The following IFNGR1 variants were observed in gnomAD, a reference collection of about 807,000 sequenced individuals.
IFNGR1 encodes the protein interferon gamma receptor 1.
In IFNGR1, 23 loss-of-function variants were observed where a neutral mutation model predicts 35.4. The ratio of observed to expected loss-of-function variants is 0.65; its 90% CI spans 0.47 to 0.92. The LOEUF is 0.92. IFNGR1 is among the 40% of genes least tolerant of loss of function. The probability of loss-of-function intolerance (pLI) is 0.00; values close to 1 mark genes in which losing one functional copy is unlikely to be tolerated. For synonymous variants in IFNGR1, 199 were observed against 209.5 expected (o/e 0.95, Z 0.43); for missense variants, 533 against 583.4 (o/e 0.91, Z 0.89).
intron 5 of IFNGR1, among the ~76,000 whole-genome samples, chr6:137,203,257 T>C (rs1379887138): frequency 6.6e-6 from 1 of 152,256 alleles, no homozygotes; most frequent in Non-Finnish European, 1.5e-5. Context: ...ACTTATTATA[T>C]ATTTTTTCTT....
chr6:137,203,684 A>T lies in IFNGR1; in HGVS notation c.548T>A (p.Ile183Asn), dbSNP rs781589293. 6.2e-7 allele frequency: 1 copy of T among 1,611,936 alleles called. No individual in the cohort carries two copies. The highest frequency in any genetic ancestry group is 1.1e-5 in the South Asian group (1 of 90,840). Residue 183 changes from isoleucine to asparagine, a missense_variant and splice_region_variant, in exon 5 of 7, where the codon ATC becomes AAC. Transcript: ENST00000367739. ...NVYVRMNGSE[I>N]QYKILTQKED... ...CTTCTGCGTGAGTATTTTATACTGG[A>T]TCTAGATGAAAAAAGAAAACAGTGA...
At chr6:137,202,679 G>A (rs1779311452) in intron 5 of IFNGR1, among the ~76,000 whole-genome samples, 1 of 147,636 alleles carries the variant, frequency 6.8e-6, no homozygotes, top group Admixed American at 6.8e-5. Flanking sequence ...TACAATATAT[G>A]CTTAAAGCAA....
At chr6:137,202,210 G>A (rs17181744) in intron 5 of IFNGR1, among the ~76,000 whole-genome samples, 66 of 152,242 alleles carry the variant, frequency 4.3e-4, no homozygotes, top group African/African-American at 1.5e-3. Flanking sequence ...CCCACGGGCT[G>A]AGCAAGTGCT....
chr6:137,204,370 T>C lies in IFNGR1; in HGVS notation c.508A>G (p.Arg170Gly), dbSNP rs1462260661. 1.2e-6 allele frequency: 2 copies of C among 1,613,788 alleles called. No homozygotes were observed. The highest frequency in any genetic ancestry group is 2.2e-5 in the East Asian group (1 of 44,864). ...ATTCTCACATACACATTGTACACCC[T>C]AATGTAACAGGTAGTTTCGGGATCA... Reference protein sequence around the residue: ...DYDPETTCYIRVYNVYVRMNG... With the variant: ...DYDPETTCYIGVYNVYVRMNG... Residue 170 changes from arginine to glycine, a missense_variant, in exon 4 of 7, where the codon AGG (arginine) becomes GGG (glycine). By Grantham distance (125) the Arg-to-Gly change is moderately radical. Transcript: ENST00000367739.
At chr6:137,199,401 A>G (rs1443307586) in intron 6 of IFNGR1, among the ~76,000 whole-genome samples, 1 of 125,386 alleles carries the variant, frequency 8.0e-6, no homozygotes, top group Non-Finnish European at 1.6e-5. Context: ...TAAAATATAT[A>G]ATTTATAATA....
At chr6:137,209,712 G>A (rs1015582172) in intron 1 of IFNGR1, 1 of 398,396 alleles carries the variant, frequency 2.5e-6, no homozygotes, top group Non-Finnish European at 4.4e-6. Context: ...CACGAAAACA[G>A]ACTAATACAA....
At chr6:137,215,119 C>A (rs1258261796) in intron 1 of IFNGR1, 1 of 987,494 alleles carries the variant, frequency 1.0e-6, no homozygotes, top group Non-Finnish European at 1.5e-6. Flanking sequence ...GTGAGGGAGA[C>A]AATGTTACCA....
At chr6:137,201,030 A>C (rs942906349) in intron 5 of IFNGR1, 22 bp from the exon 6 acceptor site, 3 of 1,611,316 alleles carry the variant, frequency 1.9e-6, no homozygotes, top group Non-Finnish European at 2.5e-6. Flanking sequence ...CAGAAATCAC[A>C]AGTTACAATT....
rs1779124908 is a variant in IFNGR1, at chr6:137,197,863, A to G, written c.*168T>C. ...AAAAAAGTCTGTACTTTACAAGCCA[A>G]AAGTGAAAATGCCACACATCCTCTT... On this transcript the variant is annotated 3_prime_UTR_variant, in exon 7 of 7. Transcript: ENST00000367739. 1 of 858,410 alleles carries G rather than the reference A, an allele frequency of 1.2e-6. No homozygotes were observed. The highest frequency in any genetic ancestry group is 2.7e-5 in the East Asian group (1 of 37,064). 53.2% of individuals were successfully genotyped at this position (858,410 alleles called of 1,614,324 possible). A position where few individuals can be genotyped will look rare whatever the true frequency, so the allele number is the denominator to read the frequency against.
chr6:137,211,005 A>AT (rs1779562348), intron 1 of IFNGR1, among the ~76,000 whole-genome samples: 1 of 152,006 alleles, frequency 6.6e-6, no homozygotes, highest in Admixed American at 6.6e-5. Flanking sequence ...TTTTCTGATT[A>AT]TTTTTTCCTT....
At position 137,200,885 on chromosome 6, in the gene IFNGR1, G is replaced by A. The variant is rs746134574; in HGVS notation, c.857C>T (p.Ser286Phe). 1.3e-6 allele frequency: 2 copies of A among 1,582,860 alleles called. No homozygotes were observed. Reference protein sequence around the residue: ...LKEKSIILPKSLISVVRSATL... With the variant: ...LKEKSIILPKFLISVVRSATL... ...TAAAAAAATTAAATACATTACCAAG[G>A]ACTTGGGTAATATTATGCTTTTTTC... Residue 286 changes from serine to phenylalanine, a missense_variant, in exon 6 of 7, where the codon TCC (serine) becomes TTC (phenylalanine). By Grantham distance (155) the Ser-to-Phe change is radical. Coordinates refer to ENST00000367739, the MANE Select transcript of IFNGR1 (RefSeq NM_000416.3).
intron 2 of IFNGR1, chr6:137,206,711 CTATTAGCTTTATTTGT>C: frequency 1.9e-6 from 1 of 515,414 alleles, no homozygotes. Flanking sequence ...GACATAGTAA[CTATTAGCTTTATTTGT>C]CATGCTAATC....
rs55881171 is a variant in IFNGR1, at chr6:137,203,666, G to A, written c.566C>T (p.Thr189Met). 45 of 1,612,170 alleles carry A rather than the reference G, an allele frequency of 2.8e-5. No homozygotes were observed. Among genetic ancestry groups the A allele is most frequent in the African/African-American group, 6.7e-5 (5 of 74,592 alleles). ...NGSEIQYKIL[T>M]QKEDDCDEIQ... ...CTCGTCACAATCATCTTCCTTCTGC[G>A]TGAGTATTTTATACTGGATCTAGAT... Residue 189 changes from threonine to methionine, a missense_variant, in exon 5 of 7, where the codon ACG becomes ATG. Thr to Met is a moderately conservative substitution (Grantham distance 81, BLOSUM62 -1). Transcript: ENST00000367739.
At chr6:137,207,488 C>A (rs2114491946) in intron 1 of IFNGR1, among the ~76,000 whole-genome samples, 1 of 152,258 alleles carries the variant, frequency 6.6e-6, no homozygotes, top group South Asian at 2.1e-4. Flanking sequence ...ACCCAAATCT[C>A]AACTTGAACT....
Position 137,203,520 on chromosome 6 carries a change from T to C in IFNGR1, c.712A>G (p.Ile238Val). The C allele has an allele frequency of 6.3e-7, 1 of 1,598,942 alleles. No homozygotes were observed. ...TEKSKEVCIT[I>V]FNSSIKGSLW... ...TTACCTTTTATACTGCTATTGAAAA[T>C]GGTAATACAAACTTCTTTTGACTTT... The change falls in exon 5 of 7, where the codon ATT becomes GTT. Residue 238 changes from isoleucine (I) to valine (V), a missense_variant. Transcript: ENST00000367739.
At chr6:137,209,786 C>G (rs138807047) in intron 1 of IFNGR1, 173 of 399,064 alleles carry the variant, frequency 4.3e-4, no homozygotes, top group African/African-American at 3.4e-3. Flanking sequence ...CCATCAACCT[C>G]TCAACTCTAC....
chr6:137,205,083 C>A (rs936655533), intron 3 of IFNGR1, among the ~76,000 whole-genome samples: 1 of 152,038 alleles, frequency 6.6e-6, no homozygotes, highest in Non-Finnish European at 1.5e-5. Flanking sequence ...TCCTCAGGGC[C>A]CAGTATACTT....
intron 5 of IFNGR1, 95 bp downstream of exon 5, chr6:137,203,404 A>G: frequency 4.0e-6 from 3 of 752,796 alleles, no homozygotes; most frequent in Non-Finnish European, 7.3e-6. Context: ...GTTAAAACAG[A>G]TCTTTTGAAA....
intron 6 of IFNGR1, among the ~76,000 whole-genome samples, chr6:137,200,412 T>G (rs1283623906): frequency 6.6e-6 from 1 of 152,190 alleles, no homozygotes; most frequent in Non-Finnish European, 1.5e-5. Context: ...GTTTCTGTAT[T>G]TGCAGAGCTT....
Sources: gnomAD v4.1 joint callset for allele counts (sites outside exome capture counted in the v4.1 genomes callset) on GRCh38, gnomAD v4.1.1 for gene constraint, MANE v1.5 for transcripts, NCBI Gene and HGNC (gene_info 2026-07-23, HGNC 2026-07-21) for gene names.